Variants in CSMD1 observed in about 807,000 individuals in gnomAD.
CSMD1 encodes CUB and Sushi multiple domains 1.
A neutral mutation model predicts 417.5 loss-of-function variants in CSMD1; 213 were observed. The ratio of observed to expected loss-of-function variants is 0.51; its 90% CI spans 0.46 to 0.57. The LOEUF (loss-of-function observed/expected upper bound fraction) is 0.57, where lower values mean the gene tolerates loss of function less well. CSMD1 is among the 20% of genes least tolerant of loss of function. The probability of loss-of-function intolerance (pLI) is 0.00; values close to 1 mark genes in which losing one functional copy is unlikely to be tolerated. For missense variants in CSMD1, 6,923 were observed against 4,529.7 expected, an observed-to-expected ratio of 1.53 and a Z score of -15.17; for synonymous variants, 2,862 against 1,736.8, an observed-to-expected ratio of 1.65 and a Z score of -16.11.
chr8:3,663,530 G>C (rs1027849776), intron 7 of CSMD1, among the ~76,000 whole-genome samples: 2 of 152,144 alleles, frequency 1.3e-5, no homozygotes, highest in African/African-American at 2.4e-5. Context: ...GAAAAGTCAA[G>C]CTGGAAACTG....
rs1002787315 is a variant in CSMD1 at position 4,357,438 on chromosome 8, T to G, written c.415+62515A>C. Among the ~76,000 whole-genome samples the G allele has an allele frequency of 4.6e-5, 7 of 152,162 alleles. No homozygotes were observed. In the East Asian group the frequency reaches 1.2e-3, roughly 25 times the overall value. The stretch of plus-strand genomic sequence containing the variant: ...GGCCAGAAATATTAAGAGTTTATAT[T>G]TTATCACCTCCAAGATACTTCTCTC... On this transcript the variant is annotated intron_variant, in intron 3 of 69. Coordinates refer to ENST00000635120, the MANE Select transcript of CSMD1 (RefSeq NM_033225.6).
chr8:3,798,599 T>C (rs1800291625), intron 5 of CSMD1, among the ~76,000 whole-genome samples: 1 of 152,084 alleles, frequency 6.6e-6, no homozygotes, highest in Non-Finnish European at 1.5e-5. Context: ...ATAAATAAAA[T>C]ATTAACTTTG....
intron 50 of CSMD1, among the ~76,000 whole-genome samples, chr8:3,045,641 T>C (rs1483551210): frequency 1.3e-5 from 2 of 152,158 alleles, no homozygotes; most frequent in African/African-American, 4.8e-5. Flanking sequence ...GTGGCACCTG[T>C]TTCCTGCTTG....
At chr8:3,652,409 T>G (rs946590090) in intron 7 of CSMD1, among the ~76,000 whole-genome samples, 4 of 152,230 alleles carry the variant, frequency 2.6e-5, no homozygotes, top group Non-Finnish European at 5.9e-5. Flanking sequence ...TTGACTTGTT[T>G]GTTTCTGTCT....
intron 3 of CSMD1, among the ~76,000 whole-genome samples, chr8:4,364,023 C>T (rs1199676822): frequency 6.6e-6 from 1 of 152,062 alleles, no homozygotes; most frequent in African/African-American, 2.4e-5. Flanking sequence ...TTTAATTGTA[C>T]TTATTTCAAT....
chr8:4,749,846 G>A (rs1353142296), intron 1 of CSMD1, among the ~76,000 whole-genome samples: 9 of 151,930 alleles, frequency 5.9e-5, no homozygotes, highest in African/African-American at 2.2e-4. Context: ...GGAAAGCCAG[G>A]GTGTGGATTT....
chr8:4,172,274 G>T (rs75377972), intron 3 of CSMD1, among the ~76,000 whole-genome samples: 6,645 of 152,222 alleles, frequency 0.044, 213 homozygotes, highest in Middle Eastern at 0.12. Context: ...AATCCTCTTT[G>T]TTTCCTCTTG....
At chr8:4,018,233 G>A (rs561141101) in intron 4 of CSMD1, among the ~76,000 whole-genome samples, 2 of 152,050 alleles carry the variant, frequency 1.3e-5, no homozygotes, top group African/African-American at 4.8e-5. Context: ...TCAGGATTCT[G>A]ACTTTTTATG....
intron 3 of CSMD1, among the ~76,000 whole-genome samples, chr8:4,325,356 T>C (rs1296670623): frequency 6.6e-6 from 1 of 152,094 alleles, no homozygotes; most frequent in Non-Finnish European, 1.5e-5. Flanking sequence ...GTCTAGGAAG[T>C]CTTAGATAAT....
chr8:2,989,785 G>C (rs1806219751), intron 54 of CSMD1, among the ~76,000 whole-genome samples: 1 of 152,182 alleles, frequency 6.6e-6, no homozygotes, highest in African/African-American at 2.4e-5. Flanking sequence ...CCACTCTTTT[G>C]AGTTCAGTTA....
At chr8:4,077,389 CTTT>C (rs1258608928) in intron 3 of CSMD1, among the ~76,000 whole-genome samples, 1 of 148,994 alleles carries the variant, frequency 6.7e-6, no homozygotes, top group African/African-American at 2.5e-5. Flanking sequence ...GTTCCTCAGT[CTTT>C]TATTATAATA....
chr8:3,524,184 T>TACTCACATATGCACAC (rs1377696104), intron 10 of CSMD1, among the ~76,000 whole-genome samples: 1 of 140,604 alleles, frequency 7.1e-6, no homozygotes, highest in Non-Finnish European at 1.5e-5. Context: ...CACATGCACA[T>TACTCACATATGCACAC]ACTCACATAT....
chr8:4,362,833 T>G (rs955983355), intron 3 of CSMD1, among the ~76,000 whole-genome samples: 1 of 152,254 alleles, frequency 6.6e-6, no homozygotes, highest in African/African-American at 2.4e-5. Flanking sequence ...TATGGGATAG[T>G]TGTTCCCCAT....
At chr8:2,951,901 G>T (rs934262286) in intron 65 of CSMD1, among the ~76,000 whole-genome samples, 2 of 152,030 alleles carry the variant, frequency 1.3e-5, no homozygotes, top group Non-Finnish European at 2.9e-5. Flanking sequence ...AGAAGAGATG[G>T]GCTCAATAAT....
intron 4 of CSMD1, among the ~76,000 whole-genome samples, chr8:4,024,746 G>A (rs930007548): frequency 2.5e-4 from 38 of 152,164 alleles, no homozygotes; most frequent in African/African-American, 8.0e-4. Flanking sequence ...ACTGCAGGCC[G>A]CTCTGTGAAG....
intron 3 of CSMD1, among the ~76,000 whole-genome samples, chr8:4,059,386 G>A (rs1025229504): frequency 6.6e-6 from 1 of 152,070 alleles, no homozygotes; most frequent in African/African-American, 2.4e-5. Flanking sequence ...AAAAGAACTA[G>A]AAAAGCAAGA....
At chr8:3,684,035 GTCTT>G (rs966680751) in intron 7 of CSMD1, among the ~76,000 whole-genome samples, 9 of 149,844 alleles carry the variant, frequency 6.0e-5, no homozygotes, top group African/African-American at 2.2e-4. Context: ...CAAAGAGACA[GTCTT>G]TCTATTTTAA....
intron 8 of CSMD1, among the ~76,000 whole-genome samples, chr8:3,591,064 G>A (rs1342431525): frequency 6.6e-6 from 1 of 152,200 alleles, no homozygotes; most frequent in Non-Finnish European, 1.5e-5. Flanking sequence ...CTATTGGCAA[G>A]TTACTTTAGT....
intron 18 of CSMD1, among the ~76,000 whole-genome samples, chr8:3,373,884 T>A (rs990330071): frequency 6.6e-6 from 1 of 152,092 alleles, no homozygotes; most frequent in African/African-American, 2.4e-5. Context: ...GCAGAAATCA[T>A]TGAAGAACAA....
Sources: allele counts gnomAD v4.1 joint callset (sites outside exome capture counted in the v4.1 genomes callset), GRCh38; gene constraint gnomAD v4.1.1; transcripts MANE v1.5; gene names NCBI Gene and HGNC (gene_info 2026-07-23, HGNC 2026-07-21).